Variants in PRR16 observed in about 807,000 individuals in gnomAD.
PRR16 encodes protein Largen.
PRR16 carries 6 observed loss-of-function variants against 18.2 expected under a neutral mutation model. That is an observed-to-expected ratio of 0.33 (90% CI 0.18 to 0.65). The LOEUF (loss-of-function observed/expected upper bound fraction) is 0.65. PRR16 is among the 30% of genes least tolerant of loss of function. The pLI is 0.74. For synonymous variants in PRR16, 151 were observed against 147.8 expected (o/e 1.02, Z -0.16); for missense variants, 412 against 376.6 (o/e 1.09, Z -0.78).
the PRR16 span, among the ~76,000 whole-genome samples, chr5:120,751,680 C>T: frequency 2.0e-5 from 3 of 151,952 alleles, no homozygotes; most frequent in Non-Finnish European, 1.5e-5. Flanking sequence ...TATGAACATG[C>T]TTTCTTTCTG....
At position 120,686,728 on chromosome 5, in the gene PRR16, T is replaced by C. The variant is rs760178514; in HGVS notation, c.*19T>C. 1.4e-6 allele frequency: 2 copies of C among 1,442,724 alleles called. No individual in the cohort carries two copies. Among genetic ancestry groups the C allele is most frequent in the Admixed American group, 4.9e-5 (2 of 40,862 alleles). The allele number at this position is 1,442,724 out of a possible 1,614,324, so 89.4% of individuals were successfully genotyped here. On this transcript the variant is annotated 3_prime_UTR_variant, in exon 2 of 2. Transcript: ENST00000407149. The stretch of plus-strand genomic sequence containing the variant: ...CGTGTGATGTATGCCATTAAAAAAA[T>C]TGTTTTTTTAATTTTCTATATTATA...
At chr5:120,609,494 T>G (rs1315051054) in intron 1 of PRR16, among the ~76,000 whole-genome samples, 1 of 152,180 alleles carries the variant, frequency 6.6e-6, no homozygotes, top group Non-Finnish European at 1.5e-5. Context: ...CATTGCCAAA[T>G]TATTATAGAA....
chr5:120,647,731 C>T (rs898122529), intron 1 of PRR16, among the ~76,000 whole-genome samples: 5 of 152,054 alleles, frequency 3.3e-5, no homozygotes, highest in Admixed American at 2.0e-4. Flanking sequence ...ACATTTTATA[C>T]AGCCTAGAAA....
Position 120,471,701 on chromosome 5 carries a change from A to G in PRR16, c.159+7056A>G, listed in dbSNP as rs11954044. 3.8e-3 allele frequency among the ~76,000 whole-genome samples: 579 copies of G among 152,252 alleles called. 1 individual carries two copies. Among genetic ancestry groups the G allele is most frequent in the Non-Finnish European group, 6.7e-3 (453 of 67,968 alleles). On this transcript the variant is annotated intron_variant, in intron 1 of 1. Coordinates refer to ENST00000407149, the MANE Select transcript of PRR16 (RefSeq NM_001300783.2). ...CTTTTCCAGTATGTTATGAATAGAA[A>G]TGTTTTTATTGTATTAAAAGTTAGT...
the PRR16 span, among the ~76,000 whole-genome samples, chr5:120,718,894 A>C: frequency 6.6e-6 from 1 of 152,092 alleles, no homozygotes; most frequent in African/African-American, 2.4e-5. Context: ...CACAATGCAT[A>C]CCACTAATAG....
chr5:120,684,891 C>T (rs1319689674), intron 1 of PRR16, among the ~76,000 whole-genome samples: 1 of 152,232 alleles, frequency 6.6e-6, no homozygotes, highest in African/African-American at 2.4e-5. Context: ...GTCTTATGCT[C>T]TGATGCCTCT....
intron 1 of PRR16, among the ~76,000 whole-genome samples, chr5:120,494,366 G>T (rs1359043119): frequency 6.6e-6 from 1 of 151,864 alleles, no homozygotes; most frequent in Non-Finnish European, 1.5e-5. Flanking sequence ...TGTAGTGATG[G>T]GGTCTTGCTA....
chr5:120,753,908 ATCTC>A, the PRR16 span, among the ~76,000 whole-genome samples: 641 of 108,816 alleles, frequency 5.9e-3, 10 homozygotes, highest in African/African-American at 0.02. Flanking sequence ...ATATTTATAA[ATCTC>A]TATAAATGTA....
At chr5:120,634,305 A>G (rs746951225) in intron 1 of PRR16, among the ~76,000 whole-genome samples, 41 of 152,272 alleles carry the variant, frequency 2.7e-4, no homozygotes, top group Admixed American at 1.2e-3. Flanking sequence ...TATAGCAAAA[A>G]CGTGCTAAGA....
In PRR16 at chr5:120,624,565, C is replaced by T. The variant is rs1561579643; in HGVS notation, c.160-61389C>T. Reference sequence around the variant, plus strand: ...CTCTGCCCTTACTAGCTGTGTGACACTGATCAAATTACTCAACATCTCTGT... The same window carrying T: ...CTCTGCCCTTACTAGCTGTGTGACATTGATCAAATTACTCAACATCTCTGT... On this transcript the variant is annotated intron_variant, in intron 1 of 1. Coordinates refer to ENST00000407149, the MANE Select transcript of PRR16 (RefSeq NM_001300783.2). 2.0e-5 allele frequency among the ~76,000 whole-genome samples: 3 copies of T among 152,266 alleles called. No individual in the cohort carries two copies. In the South Asian group the frequency reaches 6.2e-4, roughly 32 times the overall value.
At chr5:120,573,343 A>G (rs1406526491) in intron 1 of PRR16, among the ~76,000 whole-genome samples, 2 of 152,192 alleles carry the variant, frequency 1.3e-5, no homozygotes, top group Non-Finnish European at 2.9e-5. Context: ...GGCAAGAGGA[A>G]TAAATTCCAG....
the PRR16 span, among the ~76,000 whole-genome samples, chr5:120,779,123 GT>G: frequency 2.0e-5 from 3 of 152,004 alleles, no homozygotes; most frequent in Non-Finnish European, 4.4e-5. Context: ...ATTCCGCAGG[GT>G]TTAATGCAGT....
At chr5:120,598,749 A>G (rs1753891897) in intron 1 of PRR16, among the ~76,000 whole-genome samples, 1 of 151,962 alleles carries the variant, frequency 6.6e-6, no homozygotes, top group African/African-American at 2.4e-5. Flanking sequence ...TGTTGCTGCA[A>G]AAGACATGAT....
intron 1 of PRR16, among the ~76,000 whole-genome samples, chr5:120,605,125 G>A (rs942567408): frequency 3.3e-5 from 5 of 152,116 alleles, no homozygotes; most frequent in African/African-American, 1.2e-4. Context: ...TTTGTGGACA[G>A]TATTCTCAAA....
chr5:120,708,978 C>CTTTTTTTTTTTTTT, the PRR16 span, among the ~76,000 whole-genome samples: 2 of 43,650 alleles, frequency 4.6e-5, no homozygotes, highest in African/African-American at 1.9e-4. Context: ...CTCTTTGGTA[C>CTTTTTTTTTTTTTT]TTTTTTTTTT....
At chr5:120,606,799 C>T (rs937840791) in intron 1 of PRR16, among the ~76,000 whole-genome samples, 2 of 152,008 alleles carry the variant, frequency 1.3e-5, no homozygotes, top group African/African-American at 2.4e-5. Context: ...GCCAGCTACT[C>T]AGCAGGCTGA....
intron 1 of PRR16, among the ~76,000 whole-genome samples, chr5:120,496,666 G>T (rs1472178990): frequency 2.6e-5 from 4 of 151,410 alleles, no homozygotes; most frequent in African/African-American, 9.7e-5. Context: ...CTCTATATTT[G>T]ATTTATTTTG....
At chr5:120,605,708 C>T (rs1580778813) in intron 1 of PRR16, among the ~76,000 whole-genome samples, 1 of 152,076 alleles carries the variant, frequency 6.6e-6, no homozygotes. Flanking sequence ...TTCTTTGATG[C>T]CCTTTAGGGT....
intron 1 of PRR16, among the ~76,000 whole-genome samples, chr5:120,571,466 C>T (rs138010494): frequency 7.2e-5 from 11 of 152,072 alleles, no homozygotes; most frequent in Non-Finnish European, 1.5e-4. Context: ...AGGTTCAGAT[C>T]ATGTAGGGCT....
Sources: gnomAD v4.1 joint callset for allele counts (sites outside exome capture counted in the v4.1 genomes callset) on GRCh38, gnomAD v4.1.1 for gene constraint, MANE v1.5 for transcripts, NCBI Gene and HGNC (gene_info 2026-07-23, HGNC 2026-07-21) for gene names.